CYSLTR1: variants seen among roughly 807,000 people sequenced by gnomAD.
CYSLTR1 encodes G-protein coupled receptor HG55.
A neutral mutation model predicts 2.1 loss-of-function variants in CYSLTR1; 1 was observed. That is an observed-to-expected ratio of 0.48 (90% confidence interval 0.17 to 2.28). The LOEUF is 2.28. Ranked by LOEUF, CYSLTR1 falls within the 30% of genes most tolerant of loss-of-function variation. CYSLTR1 has a pLI of 0.26. For missense variants in CYSLTR1, 299 were observed against 250.1 expected (o/e 1.20, Z -1.32); for synonymous variants, 110 against 89.6 (o/e 1.23, Z -1.28).
At chrX:78,300,186 G>A (rs771662147) in intron 1 of CYSLTR1, among the ~76,000 whole-genome samples, 22 of 112,021 alleles carry the variant, frequency 2.0e-4, no homozygotes, top group Non-Finnish European at 3.8e-4. Context: ...ATAGAATTCT[G>A]AATTTCTTCT....
chrX:78,279,322 A>G (rs1921735659), intron 2 of CYSLTR1, among the ~76,000 whole-genome samples: 1 of 112,247 alleles, frequency 8.9e-6, no homozygotes. Flanking sequence ...AAAACAAGAC[A>G]TAGATGCAGC....
Position 78,273,545 on chromosome X carries a change from C to T in CYSLTR1, c.202G>A (p.Ala68Thr), listed in dbSNP as rs201633516. 25 of 1,209,891 alleles carry T rather than the reference C, an allele frequency of 2.1e-5. No individual in the cohort carries two copies. Among genetic ancestry groups the T allele is most frequent in the Non-Finnish European group, 2.8e-5 (25 of 895,195 alleles). The change falls in exon 3 of 3, where the codon GCA (alanine) becomes ACA (threonine). Residue 68 changes from alanine to threonine, a missense_variant. Transcript: ENST00000373304. Reference protein sequence around the residue: ...FQVYMINLAVADLLCVCTLPL... With the variant: ...FQVYMINLAVTDLLCVCTLPL... Reference sequence around the variant, plus strand: ...AGTGTGCACACACAAAGTAGATCTGCTACTGCTAAATTAATCATGTATACT... The same window carrying T: ...AGTGTGCACACACAAAGTAGATCTGTTACTGCTAAATTAATCATGTATACT...
chrX:78,286,086 C>T (rs750062700), intron 1 of CYSLTR1, among the ~76,000 whole-genome samples: 2 of 111,599 alleles, frequency 1.8e-5, no homozygotes, highest in Non-Finnish European at 3.8e-5. Context: ...TGCATCAGCC[C>T]TTAGCAGCTA....
At chrX:78,305,943 C>T (rs1398367565) in intron 1 of CYSLTR1, among the ~76,000 whole-genome samples, 1 of 112,637 alleles carries the variant, frequency 8.9e-6, no homozygotes, top group Admixed American at 9.4e-5. Context: ...TCTAAGTGTT[C>T]ATCAACAGAT....
chrX:78,326,418 T>A, intron 1 of CYSLTR1, among the ~76,000 whole-genome samples: 1 of 112,366 alleles, frequency 8.9e-6, no homozygotes, highest in East Asian at 2.8e-4. Context: ...TTTAAAATAA[T>A]CATTTGTTAG....
intron 1 of CYSLTR1, among the ~76,000 whole-genome samples, chrX:78,306,992 A>T (rs1219698270): frequency 8.9e-6 from 1 of 112,297 alleles, no homozygotes; most frequent in Non-Finnish European, 1.9e-5. Context: ...CTAAATTACA[A>T]GGATTAAAAC....
chrX:78,311,450 T>G (rs1923216010), intron 1 of CYSLTR1, among the ~76,000 whole-genome samples: 1 of 110,840 alleles, frequency 9.0e-6, no homozygotes, highest in Non-Finnish European at 1.9e-5. Context: ...GACAATGGAG[T>G]AAGGAAGTTA....
In CYSLTR1 at chrX:78,317,418, T is replaced by C. The variant is rs377227887; in HGVS notation, c.-115+9887A>G. 9.8e-5 allele frequency among the ~76,000 whole-genome samples: 11 copies of C among 112,586 alleles called. No homozygotes were observed. The East Asian group carries it at 1.7e-3, about 17-fold the overall frequency. On this transcript the variant is annotated intron_variant, in intron 1 of 2. Transcript: ENST00000373304. ...AGTACAACTACTATGGAAAACAGTA[T>C]GGAAATTACTTAAAGAACTAAAAGT...
chrX:78,321,614 CG>C (rs1569552550), intron 1 of CYSLTR1: 1 of 106,421 alleles, frequency 9.4e-6, no homozygotes, highest in Non-Finnish European at 1.9e-5. Context: ...TGCTTGAACC[CG>C]GGAGGCGGAG....
At chrX:78,294,971 C>T (rs1053352335) in intron 1 of CYSLTR1, among the ~76,000 whole-genome samples, 5 of 112,361 alleles carry the variant, frequency 4.4e-5, no homozygotes, top group African/African-American at 1.6e-4. Context: ...CTTCGGCTTG[C>T]CCTCCATGGG....
At chrX:78,298,503 C>G (rs1032276440) in intron 1 of CYSLTR1, among the ~76,000 whole-genome samples, 1 of 111,136 alleles carries the variant, frequency 9.0e-6, no homozygotes, top group South Asian at 3.7e-4. Flanking sequence ...GTACTGGGGC[C>G]TATGTCTCTC....
chrX:78,313,195 G>A (rs1923280889), intron 1 of CYSLTR1, among the ~76,000 whole-genome samples: 1 of 111,921 alleles, frequency 8.9e-6, no homozygotes, highest in Non-Finnish European at 1.9e-5. Flanking sequence ...ATTATTCTAA[G>A]CAAATTAACA....
In CYSLTR1 at chrX:78,283,557, G is replaced by A. The variant is rs202201221; in HGVS notation, c.-114-17C>T. On this transcript the variant is annotated splice_polypyrimidine_tract_variant and intron_variant, in intron 1 of 2. Transcript: ENST00000373304. ...AAGCCCACGCTGAAATCATAAGATT[G>A]AAAAGGCAGTTAACAACTGTAGAAG... The A allele has an allele frequency of 8.9e-6, 1 of 112,111 alleles. No homozygotes were observed. The highest frequency in any genetic ancestry group is 1.9e-5 in the Non-Finnish European group (1 of 53,229). 9.2% of individuals were successfully genotyped at this position (112,111 alleles called of 1,213,427 possible).
At position 78,273,422 on chromosome X, in the gene CYSLTR1, A is replaced by G. The variant is rs1921405167; in HGVS notation, c.325T>C (p.Cys109Arg). Residue 109 changes from cysteine to arginine, a missense_variant, in exon 3 of 3, where the codon TGT becomes CGT. Physicochemically the swap from Cys to Arg is radical, Grantham distance 180. Transcript: ENST00000373304. ...STYALYVNLY[C>R]SIFFMTAMSF... ...ATGGCTGTCATAAAGAAGATGCTACAATAGAGGTTGACATACAAAGCATAG... is the reference window on the plus strand; with the variant it reads ...ATGGCTGTCATAAAGAAGATGCTACGATAGAGGTTGACATACAAAGCATAG... The G allele has an allele frequency of 8.3e-7, 1 of 1,209,765 alleles. No individual in the cohort carries two copies. Among genetic ancestry groups the G allele is most frequent in the Non-Finnish European group, 1.1e-6 (1 of 895,127 alleles).
At chrX:78,292,723 T>C (rs934726934) in intron 1 of CYSLTR1, among the ~76,000 whole-genome samples, 1 of 111,417 alleles carries the variant, frequency 9.0e-6, no homozygotes, top group Non-Finnish European at 1.9e-5. Flanking sequence ...CATTATGTAA[T>C]GGCCTTCTTT....
chrX:78,295,150 T>A (rs1005274467), intron 1 of CYSLTR1, among the ~76,000 whole-genome samples: 2 of 112,433 alleles, frequency 1.8e-5, no homozygotes, highest in Non-Finnish European at 3.8e-5. Context: ...GCCTGGCTTA[T>A]TTCACTTAAA....
At position 78,273,476 on chromosome X, in the gene CYSLTR1, A is replaced by G. The variant is rs749103896; in HGVS notation, c.271T>C (p.Phe91Leu). Residue 91 changes from phenylalanine (F) to leucine (L), a missense_variant, in exon 3 of 3, where the codon TTT becomes CTT. Coordinates refer to ENST00000373304, the MANE Select transcript of CYSLTR1 (RefSeq NM_006639.4). Reference protein sequence around the residue: ...VYYVHKGIWLFGDFLCRLSTY... With the variant: ...VYYVHKGIWLLGDFLCRLSTY... ...CTGAGGCGGCACAAGAAGTCACCAA[A>G]GAGCCAAATGCCTTTGTGAACATAA... 1.7e-6 allele frequency: 2 copies of G among 1,212,050 alleles called. No individual in the cohort carries two copies. Among genetic ancestry groups the G allele is most frequent in the Admixed American group, 2.2e-5 (1 of 45,995 alleles).
At chrX:78,298,174 G>A (rs1477188822) in intron 1 of CYSLTR1, among the ~76,000 whole-genome samples, 1 of 111,253 alleles carries the variant, frequency 9.0e-6, no homozygotes, top group African/African-American at 3.3e-5. Context: ...CCATGTATTT[G>A]TATAGTTTCC....
intron 1 of CYSLTR1, among the ~76,000 whole-genome samples, chrX:78,309,537 C>T (rs1342501464): frequency 4.5e-5 from 5 of 111,363 alleles, no homozygotes; most frequent in African/African-American, 9.8e-5. Context: ...AATATGATCA[C>T]GAAGTGAATA....
Sources: gnomAD v4.1 joint callset for allele counts (sites outside exome capture counted in the v4.1 genomes callset) on GRCh38, gnomAD v4.1.1 for gene constraint, MANE v1.5 for transcripts, NCBI Gene and HGNC (gene_info 2026-07-23, HGNC 2026-07-21) for gene names.